Variants in APP observed in about 807,000 individuals in gnomAD.
APP encodes amyloid-beta precursor protein.
A neutral mutation model predicts 101.4 loss-of-function variants in APP; 31 were observed. The ratio of observed to expected loss-of-function variants is 0.31; its 90% CI spans 0.23 to 0.41. APP has a LOEUF of 0.41. APP is among the 10% of genes least tolerant of loss of function. The probability of loss-of-function intolerance (pLI) is 1.00; values close to 1 mark genes in which losing one functional copy is unlikely to be tolerated. For synonymous variants in APP, 366 were observed against 364.4 expected, an observed-to-expected ratio of 1.00 and a Z score of -0.05; for missense variants, 839 against 1,003.7, an observed-to-expected ratio of 0.84 and a Z score of 2.22.
intron 1 of APP, among the ~76,000 whole-genome samples, chr21:26,115,266 G>C (rs2062410169): frequency 2.6e-5 from 4 of 152,056 alleles, no homozygotes; most frequent in Admixed American, 2.6e-4. Flanking sequence ...GACATTACAA[G>C]AGGCCCTTCA....
At chr21:25,991,011 C>G (rs1384354588) in intron 8 of APP, among the ~76,000 whole-genome samples, 1 of 152,144 alleles carries the variant, frequency 6.6e-6, no homozygotes, top group South Asian at 2.1e-4. Flanking sequence ...AAATAAAAGT[C>G]TTTTGCAGCA....
chr21:26,162,176 G>T (rs2063505338), intron 1 of APP, among the ~76,000 whole-genome samples: 1 of 152,112 alleles, frequency 6.6e-6, no homozygotes, highest in Non-Finnish European at 1.5e-5. Context: ...AAACATTTAA[G>T]AAATTAGTCA....
At chr21:25,959,970 G>T (rs372158214) in intron 11 of APP, among the ~76,000 whole-genome samples, 1 of 152,158 alleles carries the variant, frequency 6.6e-6, no homozygotes. Flanking sequence ...TGATAATAAT[G>T]TTCCCGGACT....
In APP at chr21:25,961,069, G is replaced by C. The variant is rs188543465; in HGVS notation, c.1459-5314C>G. ...GGGCCCCCAAATCACTAAGCTAAAG[G>C]GAAAAGTCTAGCTGGGAACTGCTTA... On this transcript the variant is annotated intron_variant, in intron 11 of 17. Coordinates refer to ENST00000346798, the MANE Select transcript of APP (RefSeq NM_000484.4). 1.6e-3 allele frequency among the ~76,000 whole-genome samples: 244 copies of C among 152,210 alleles called. 1 individual carries two copies. Among genetic ancestry groups the C allele is most frequent in the African/African-American group, 5.7e-3 (236 of 41,532 alleles).
intron 15 of APP, 35 bp downstream of exon 15, chr21:25,904,989 G>A: frequency 6.2e-7 from 1 of 1,601,754 alleles, no homozygotes; most frequent in East Asian, 2.2e-5. Flanking sequence ...TTAGGCCCAA[G>A]ATGCGGAGAG....
At chr21:26,139,879 A>AAAACAAAC (rs10617724) in intron 1 of APP, among the ~76,000 whole-genome samples, 44 of 150,172 alleles carry the variant, frequency 2.9e-4, no homozygotes, top group African/African-American at 9.6e-4. Flanking sequence ...ACTCCGTCTC[A>AAAACAAAC]AAACAAACAA....
chr21:25,969,324 G>C (rs1334342758), intron 11 of APP, among the ~76,000 whole-genome samples: 1 of 139,436 alleles, frequency 7.2e-6, no homozygotes, highest in African/African-American at 2.8e-5. Context: ...CTCCAGCCTG[G>C]GCGACAAAGC....
At chr21:26,079,138 A>G (rs1419523582) in intron 3 of APP, among the ~76,000 whole-genome samples, 1 of 152,132 alleles carries the variant, frequency 6.6e-6, no homozygotes, top group Non-Finnish European at 1.5e-5. Flanking sequence ...TCTGAAGACA[A>G]AGGGGAAAAC....
intron 2 of APP, among the ~76,000 whole-genome samples, chr21:26,104,127 T>C (rs2062125998): frequency 6.6e-6 from 1 of 152,160 alleles, no homozygotes; most frequent in South Asian, 2.1e-4. Context: ...TTTGGTATCT[T>C]TTCTTATAAG....
intron 1 of APP, among the ~76,000 whole-genome samples, chr21:26,153,567 T>C (rs2063320855): frequency 6.6e-6 from 1 of 152,124 alleles, no homozygotes; most frequent in African/African-American, 2.4e-5. Context: ...GACCTCAGAC[T>C]CTCAAAGTTT....
In APP at chr21:26,170,667, C is replaced by A; in HGVS notation, c.-47G>T. On this transcript the variant is annotated 5_prime_UTR_variant, in exon 1 of 18. Transcript: ENST00000346798. ...GAGTGCGCTGCTGTGCGAGTGGGAT[C>A]CGCCGCGTCCTTGCTCTGCCCGCGC... is the stretch of plus-strand genomic sequence containing the variant. 8.6e-6 allele frequency: 13 copies of A among 1,510,858 alleles called. No individual in the cohort carries two copies. Among genetic ancestry groups the A allele is most frequent in the Non-Finnish European group, 1.1e-5 (12 of 1,134,910 alleles). The allele number at this position is 1,510,858 out of a possible 1,614,324, so 93.6% of individuals were successfully genotyped here.
At chr21:26,025,638 T>C (rs1357446126) in intron 5 of APP, among the ~76,000 whole-genome samples, 1 of 152,216 alleles carries the variant, frequency 6.6e-6, no homozygotes, top group Non-Finnish European at 1.5e-5. Flanking sequence ...TAGTGTGATC[T>C]GCATTCTGGT....
chr21:25,998,978 T>C (rs982218449), intron 7 of APP, among the ~76,000 whole-genome samples: 5 of 152,182 alleles, frequency 3.3e-5, no homozygotes, highest in Admixed American at 2.0e-4. Flanking sequence ...AAGCTTAATG[T>C]TCAAGAGAAA....
At chr21:26,094,573 A>G (rs1048181095) in intron 2 of APP, among the ~76,000 whole-genome samples, 1 of 149,090 alleles carries the variant, frequency 6.7e-6, no homozygotes, top group East Asian at 1.9e-4. Context: ...ATTTATATTT[A>G]TATAAAATAT....
At chr21:25,996,762 C>G (rs1223504916) in intron 8 of APP, among the ~76,000 whole-genome samples, 2 of 152,230 alleles carry the variant, frequency 1.3e-5, no homozygotes, top group African/African-American at 4.8e-5. Flanking sequence ...GATGCGCCAG[C>G]CCACTTACCG....
Position 25,997,405 on chromosome 21 carries a change from A to G in APP, c.1045T>C (p.Leu349=). 1.2e-6 allele frequency: 2 copies of G among 1,613,370 alleles called. No homozygotes were observed. The highest frequency in any genetic ancestry group is 1.7e-6 in the Non-Finnish European group (2 of 1,179,292). Residue 349 remains leucine, a synonymous_variant, in exon 8 of 18, where the codon TTA becomes CTA. Transcript: ENST00000346798. ...AVCGSAMSQS[L]LKTTQEPLAR... The stretch of plus-strand genomic sequence containing the variant: ...AGAGGTTCCTGGGTAGTCTTGAGTA[A>G]ACTTTGGGACACTATGGAAAAAATA...
At chr21:25,906,384 TTC>T (rs1393417958) in intron 14 of APP, among the ~76,000 whole-genome samples, 1 of 148,736 alleles carries the variant, frequency 6.7e-6, no homozygotes, top group Non-Finnish European at 1.5e-5. Flanking sequence ...GATGCGCCAC[TTC>T]TGTGGCTGTT....
At chr21:25,959,699 T>C (rs574962714) in intron 11 of APP, among the ~76,000 whole-genome samples, 3 of 152,348 alleles carry the variant, frequency 2.0e-5, no homozygotes, top group South Asian at 4.1e-4. Flanking sequence ...TAAGCTAATG[T>C]GTGGGGAGAA....
intron 8 of APP, among the ~76,000 whole-genome samples, chr21:25,989,597 A>C (rs1035327144): frequency 1.3e-5 from 2 of 152,204 alleles, no homozygotes; most frequent in African/African-American, 4.8e-5. Context: ...TTCAGTCGAT[A>C]TATTAATATT....
Sources: allele counts gnomAD v4.1 joint callset (sites outside exome capture counted in the v4.1 genomes callset), GRCh38; gene constraint gnomAD v4.1.1; transcripts MANE v1.5; gene names NCBI Gene and HGNC (gene_info 2026-07-23, HGNC 2026-07-21).